Variants in SLC25A48 observed in about 807,000 individuals in gnomAD.
SLC25A48 encodes CTC-321K16.1.
SLC25A48 carries 29 observed loss-of-function variants against 32.2 expected under a neutral mutation model. That is an observed-to-expected ratio of 0.90 (90% CI 0.67 to 1.23). The LOEUF (loss-of-function observed/expected upper bound fraction) is 1.23, where lower values mean the gene tolerates loss of function less well. Ranked by LOEUF, SLC25A48 falls within the 50% of genes most tolerant of loss-of-function variation. The probability of loss-of-function intolerance (pLI) is 0.00; values close to 1 mark genes in which losing one functional copy is unlikely to be tolerated. For synonymous variants in SLC25A48, 164 were observed against 172.3 expected (o/e 0.95, Z 0.38); for missense variants, 399 against 422.7 (o/e 0.94, Z 0.49).
chr5:135,608,242 T>A (rs1440571250), intron 1 of SLC25A48, among the ~76,000 whole-genome samples: 1 of 152,140 alleles, frequency 6.6e-6, no homozygotes, highest in African/African-American at 2.4e-5. Context: ...CAAGACTATC[T>A]TGATTGGGAG....
At chr5:135,871,060 GACACACAC>G (rs10569008) in intron 4 of SLC25A48, among the ~76,000 whole-genome samples, 23,847 of 137,402 alleles carry the variant, frequency 0.17, 1,994 homozygotes, top group East Asian at 0.32. Flanking sequence ...TGTGTACACA[GACACACAC>G]ACACACACAC....
At chr5:135,867,214 G>A (rs1392127312) in intron 4 of SLC25A48, among the ~76,000 whole-genome samples, 2 of 152,158 alleles carry the variant, frequency 1.3e-5, no homozygotes, top group African/African-American at 4.8e-5. Context: ...GCATATGCAT[G>A]TACACCCTGA....
intron 3 of SLC25A48, among the ~76,000 whole-genome samples, chr5:135,805,523 C>A (rs992884147): frequency 6.6e-6 from 1 of 151,638 alleles, no homozygotes; most frequent in Non-Finnish European, 1.5e-5. Flanking sequence ...AGTGGGTGTA[C>A]ACCACATGCG....
chr5:135,671,385 C>T (rs867757037), intron 3 of SLC25A48, among the ~76,000 whole-genome samples: 1 of 152,228 alleles, frequency 6.6e-6, no homozygotes, highest in African/African-American at 2.4e-5. Flanking sequence ...GTGTTAGCCT[C>T]TAGGTTTGCA....
chr5:135,837,750 T>G (rs1307613075), intron 1 of SLC25A48, among the ~76,000 whole-genome samples: 1 of 152,216 alleles, frequency 6.6e-6, no homozygotes, highest in Non-Finnish European at 1.5e-5. Context: ...TCTTTAACAT[T>G]CTACCATTAT....
At chr5:135,777,622 T>G (rs994861758) in intron 3 of SLC25A48, among the ~76,000 whole-genome samples, 4 of 151,204 alleles carry the variant, frequency 2.6e-5, no homozygotes, top group Admixed American at 6.6e-5. Flanking sequence ...CTTGTGATAT[T>G]GTTCCTAATA....
At chr5:135,879,611 A>AGAGTGT (rs1554087211) in intron 6 of SLC25A48, among the ~76,000 whole-genome samples, 4 of 119,502 alleles carry the variant, frequency 3.3e-5, no homozygotes, top group East Asian at 2.3e-4. Flanking sequence ...AGAGAGAGAG[A>AGAGTGT]GTGTGTGTGT....
At chr5:135,728,576 T>A (rs1249781330) in intron 3 of SLC25A48, among the ~76,000 whole-genome samples, 2 of 152,190 alleles carry the variant, frequency 1.3e-5, no homozygotes, top group African/African-American at 4.8e-5. Flanking sequence ...TTTGTGTATT[T>A]AATTTTTCCT....
chr5:135,644,181 A>T (rs540074235), intron 3 of SLC25A48, among the ~76,000 whole-genome samples: 12 of 151,638 alleles, frequency 7.9e-5, no homozygotes, highest in African/African-American at 2.9e-4. Flanking sequence ...CAAGTTGCGG[A>T]TGGGGAGAAA....
rs536210738 is a variant in SLC25A48, at chr5:135,638,848, A to G, written c.-521+3892A>G. On this transcript the variant is annotated intron_variant, in intron 3 of 10. Coordinates refer to the SLC25A48 transcript ENST00000646290. ...TGTTTCAACTCTATATAAGCACTAT[A>G]TGAACCTTTCCTCTGCATCTTGTCA... 2.6e-4 allele frequency among the ~76,000 whole-genome samples: 40 copies of G among 152,344 alleles called. 1 individual carries two copies. The highest frequency in any genetic ancestry group is 3.4e-3 in the Middle Eastern group (1 of 294).
intron 3 of SLC25A48, among the ~76,000 whole-genome samples, chr5:135,711,912 A>C (rs1754674569): frequency 6.8e-6 from 1 of 148,106 alleles, no homozygotes; most frequent in Non-Finnish European, 1.5e-5. Context: ...CCACCCCTTC[A>C]CTGGCCCCCC....
chr5:135,788,413 T>C (rs1308851653), intron 3 of SLC25A48, among the ~76,000 whole-genome samples: 3 of 147,338 alleles, frequency 2.0e-5, no homozygotes, highest in African/African-American at 7.6e-5. Flanking sequence ...GTGATATTAC[T>C]CCCCATGTGG....
chr5:135,825,166 C>T (rs1758004316), intron 4 of SLC25A48: 3 of 152,208 alleles, frequency 2.0e-5, no homozygotes, highest in South Asian at 4.1e-4. Context: ...TTATTTGGTC[C>T]TTATGACTTG....
chr5:135,881,449 A>G (rs1240017872), intron 7 of SLC25A48, among the ~76,000 whole-genome samples: 2 of 152,270 alleles, frequency 1.3e-5, no homozygotes, highest in Admixed American at 1.3e-4. Context: ...GCTGGCTTCA[A>G]ATAAAATGCT....
At chr5:135,785,900 G>T (rs551401838) in intron 3 of SLC25A48, among the ~76,000 whole-genome samples, 1 of 150,196 alleles carries the variant, frequency 6.7e-6, no homozygotes, top group South Asian at 2.1e-4. Context: ...ACCATGGGGC[G>T]GGGTGTAGAG....
chr5:135,879,601 AGAGAGAGAGAGTGT>A (rs1228398716), intron 6 of SLC25A48, among the ~76,000 whole-genome samples: 4 of 134,048 alleles, frequency 3.0e-5, no homozygotes, highest in African/African-American at 1.3e-4. Flanking sequence ...AGAGAGAGAG[AGAGAGAGAGAGTGT>A]GTGTGTGTGT....
chr5:135,835,192 G>A (rs1418904752), intron 1 of SLC25A48: 5 of 613,484 alleles, frequency 8.2e-6, no homozygotes, highest in Non-Finnish European at 1.5e-5. Context: ...GCCAATGGAG[G>A]CTCCTGGCGG....
At chr5:135,660,214 C>T (rs1426102979) in intron 3 of SLC25A48, among the ~76,000 whole-genome samples, 1 of 152,210 alleles carries the variant, frequency 6.6e-6, no homozygotes, top group Non-Finnish European at 1.5e-5. Context: ...CCTCTACACA[C>T]TTTACCTAGC....
chr5:135,666,097 C>T (rs1316690476), intron 3 of SLC25A48, among the ~76,000 whole-genome samples: 1 of 152,190 alleles, frequency 6.6e-6, no homozygotes, highest in East Asian at 1.9e-4. Context: ...CAGAGGTGAA[C>T]TGTCTGTAAC....
Sources: gnomAD v4.1 joint callset for allele counts (sites outside exome capture counted in the v4.1 genomes callset) on GRCh38, gnomAD v4.1.1 for gene constraint, MANE v1.5 for transcripts, NCBI Gene and HGNC (gene_info 2026-07-23, HGNC 2026-07-21) for gene names.